Variants in SYT13 observed in about 807,000 individuals in gnomAD.
SYT13 encodes the protein synaptotagmin 13.
Under a neutral mutation model 38.6 loss-of-function variants are expected in SYT13, and 21 were observed. The ratio of observed to expected loss-of-function variants is 0.54; its 90% CI spans 0.39 to 0.78. The LOEUF (loss-of-function observed/expected upper bound fraction) is 0.78, where lower values mean the gene tolerates loss of function less well. Ranked by LOEUF, SYT13 falls within the 30% of genes least tolerant of loss-of-function variation. The probability of loss-of-function intolerance (pLI) is 0.00; values close to 1 mark genes in which losing one functional copy is unlikely to be tolerated. For synonymous variants in SYT13, 241 were observed against 237.6 expected, an observed-to-expected ratio of 1.01 and a Z score of -0.13; for missense variants, 495 against 548.7, an observed-to-expected ratio of 0.90 and a Z score of 0.98.
At chr11:45,245,429 G>T (rs1420657076) in intron 5 of SYT13, among the ~76,000 whole-genome samples, 4 of 152,212 alleles carry the variant, frequency 2.6e-5, no homozygotes, top group Non-Finnish European at 5.9e-5. Flanking sequence ...AAGAAGCAAA[G>T]AATTGTCTAA....
chr11:45,275,376 C>G (rs1854998178), intron 1 of SYT13, among the ~76,000 whole-genome samples: 1 of 152,164 alleles, frequency 6.6e-6, no homozygotes, highest in Admixed American at 6.5e-5. Context: ...CCCCTCTCTC[C>G]TTTACGCTTG....
rs1854973795 is a variant in SYT13, at chr11:45,273,410, C to T, written c.183+12615G>A. 1.4e-5 allele frequency among the ~76,000 whole-genome samples: 2 copies of T among 147,424 alleles called. 1 individual carries two copies. The highest frequency in any genetic ancestry group is 4.2e-4 in the South Asian group (2 of 4,758). On this transcript the variant is annotated intron_variant, in intron 1 of 5. Coordinates refer to ENST00000020926, the MANE Select transcript of SYT13 (RefSeq NM_020826.3). Reference sequence around the variant, plus strand: ...GCCAACTCCACCTGATGCCAAAAGGCAGAGGAGTTGGTCAATGCAGCTGAT... The same window carrying T: ...GCCAACTCCACCTGATGCCAAAAGGTAGAGGAGTTGGTCAATGCAGCTGAT...
intron 1 of SYT13, among the ~76,000 whole-genome samples, chr11:45,262,871 G>A (rs1854836474): frequency 2.0e-5 from 3 of 152,154 alleles, no homozygotes; most frequent in Non-Finnish European, 2.9e-5. Context: ...ACATCTCCAT[G>A]GGAGGAACTC....
At chr11:45,263,133 C>T (rs890443699) in intron 1 of SYT13, among the ~76,000 whole-genome samples, 1 of 152,182 alleles carries the variant, frequency 6.6e-6, no homozygotes, top group Non-Finnish European at 1.5e-5. Context: ...CAGTAATAAT[C>T]CAGGCAGAGA....
chr11:45,248,078 A>C (rs1274760668), intron 4 of SYT13, among the ~76,000 whole-genome samples: 1 of 152,234 alleles, frequency 6.6e-6, no homozygotes, highest in Non-Finnish European at 1.5e-5. Flanking sequence ...TACCTCTATG[A>C]CCTTGGGTAA....
At position 45,243,719 on chromosome 11, in the gene SYT13, A is replaced by G. The variant is rs1854580212; in HGVS notation, c.*333T>C. The G allele has an allele frequency of 1.3e-5, 3 of 234,820 alleles. No individual in the cohort carries two copies. The highest frequency in any genetic ancestry group is 2.5e-5 in the Non-Finnish European group (3 of 122,420). The allele number at this position is 234,820 out of a possible 1,614,324, so 14.5% of individuals were successfully genotyped here. A position where few individuals can be genotyped will look rare whatever the true frequency, so the allele number is the denominator to read the frequency against. The stretch of plus-strand genomic sequence containing the variant: ...TGAAATGCTTGTTTTTCAAAAAGCC[A>G]AATTCTTCTTTGCATCCATGATTCC... On this transcript the variant is annotated 3_prime_UTR_variant, in exon 6 of 6. Transcript: ENST00000020926.
At chr11:45,270,938 T>C (rs1854941799) in intron 1 of SYT13, among the ~76,000 whole-genome samples, 1 of 152,184 alleles carries the variant, frequency 6.6e-6, no homozygotes, top group Non-Finnish European at 1.5e-5. Context: ...CAAACAGAAA[T>C]CAGAACATAC....
chr11:45,243,983 G>A lies in SYT13; in HGVS notation c.*69C>T. 1 of 1,474,428 alleles carries A rather than the reference G, an allele frequency of 6.8e-7. No homozygotes were observed. The allele number at this position is 1,474,428 out of a possible 1,614,324, so 91.3% of individuals were successfully genotyped here. A position where few individuals can be genotyped will look rare whatever the true frequency, so the allele number is the denominator to read the frequency against. ...TCTTCTGGGTGTCAGAATGAGGAAA[G>A]GGGCACAGAAAGGAGGTTGCAGAGG... On this transcript the variant is annotated 3_prime_UTR_variant, in exon 6 of 6. Transcript: ENST00000020926.
intron 1 of SYT13, among the ~76,000 whole-genome samples, chr11:45,263,840 C>A (rs1320504089): frequency 6.6e-6 from 1 of 152,200 alleles, no homozygotes; most frequent in South Asian, 2.1e-4. Flanking sequence ...GATTAATTAA[C>A]TTCTCTGTGC....
Position 45,252,658 on chromosome 11 carries a change from G to A in SYT13, c.609C>T (p.Thr203=), listed in dbSNP as rs373586718. The change falls in exon 4 of 6, where the codon ACC becomes ACT. Residue 203 remains threonine (T), a synonymous_variant. Coordinates refer to ENST00000020926, the MANE Select transcript of SYT13 (RefSeq NM_020826.3). This position sits in a 1 kb window ranked among gnomAD's most constrained non-coding sequence, Gnocchi z 4.3. ...GGGCTGTCTGAGCCTCCACAGAGCC[G>A]GTCCTATTGGCCACACTCCCTTGGA... ...CYVQGSVANR[T]GSVEAQTALK... 7.8e-5 allele frequency: 126 copies of A among 1,611,698 alleles called. No homozygotes were observed. The highest frequency in any genetic ancestry group is 6.6e-4 in the Middle Eastern group (4 of 6,074).
At chr11:45,247,512 C>A (rs1383024885) in intron 4 of SYT13, among the ~76,000 whole-genome samples, 1 of 152,196 alleles carries the variant, frequency 6.6e-6, no homozygotes, top group Non-Finnish European at 1.5e-5. Context: ...GCCCTTCCCT[C>A]CAGCTTTGTC....
intron 1 of SYT13, among the ~76,000 whole-genome samples, chr11:45,273,939 CG>C (rs1174427255): frequency 6.6e-6 from 1 of 152,118 alleles, no homozygotes; most frequent in Non-Finnish European, 1.5e-5. Flanking sequence ...GTGCTGAATC[CG>C]TTGGGTGCTT....
chr11:45,254,650 C>G, intron 2 of SYT13: 1 of 411,782 alleles, frequency 2.4e-6, no homozygotes. Context: ...CAACAATCTA[C>G]TCTCCCTGCT....
At position 45,252,327 on chromosome 11, in the gene SYT13, G is replaced by T; in HGVS notation, c.846+94C>A. 7.0e-7 allele frequency: 1 copy of T among 1,422,990 alleles called. No individual in the cohort carries two copies. The highest frequency in any genetic ancestry group is 9.4e-7 in the Non-Finnish European group (1 of 1,067,926). The allele number at this position is 1,422,990 out of a possible 1,614,324, so 88.1% of individuals were successfully genotyped here. A position where few individuals can be genotyped will look rare whatever the true frequency, so the allele number is the denominator to read the frequency against. On this transcript the variant is annotated intron_variant, in intron 4 of 5. Transcript: ENST00000020926. This position sits in a 1 kb window ranked among gnomAD's most constrained non-coding sequence, Gnocchi z 4.3. ...CAAGCCAGGGAGGTCTCTGAGGCTT[G>T]TTCCCTAAGACTGAGTTGCTGGGAG...
chr11:45,281,126 G>T (rs934553239), intron 1 of SYT13, among the ~76,000 whole-genome samples: 3 of 152,014 alleles, frequency 2.0e-5, no homozygotes, highest in Non-Finnish European at 4.4e-5. Context: ...AACCCAGGAG[G>T]CAGAGGTTGC....
At chr11:45,272,254 T>C (rs1854958545) in intron 1 of SYT13, among the ~76,000 whole-genome samples, 1 of 152,088 alleles carries the variant, frequency 6.6e-6, no homozygotes, top group African/African-American at 2.4e-5. Context: ...GGTGATGAGT[T>C]GATGGGTGCA....
chr11:45,241,166 C>A lies in SYT13; in HGVS notation c.*2886G>T, dbSNP rs1325637719. The A allele has an allele frequency of 6.6e-5, 10 of 152,220 alleles. No individual in the cohort carries two copies. The highest frequency in any genetic ancestry group is 1.5e-4 in the Non-Finnish European group (10 of 68,044). 9.4% of individuals were successfully genotyped at this position (152,220 alleles called of 1,614,324 possible). A position where few individuals can be genotyped will look rare whatever the true frequency, so the allele number is the denominator to read the frequency against. ...TGAATTTCTAGCTTGACTGCTAAGA[C>A]ATCTGATGCCTTTACCATTGAGAAC... On this transcript the variant is annotated 3_prime_UTR_variant, in exon 6 of 6. Coordinates refer to ENST00000020926, the MANE Select transcript of SYT13 (RefSeq NM_020826.3).
At position 45,243,271 on chromosome 11, in the gene SYT13, A is replaced by ACC; in HGVS notation, c.*780_*781insGG. On this transcript the variant is annotated 3_prime_UTR_variant, in exon 6 of 6. Coordinates refer to ENST00000020926, the MANE Select transcript of SYT13 (RefSeq NM_020826.3). ...AGCAGGGGGCTTATGAAATGCACAA[A>ACC]TTAAAGTATTAAGAATTAAAATAAT... The ACC allele has an allele frequency of 6.6e-6, 1 of 152,256 alleles. No homozygotes were observed. Among genetic ancestry groups the ACC allele is most frequent in the Admixed American group, 6.5e-5 (1 of 15,290 alleles). The allele number at this position is 152,256 out of a possible 1,614,324, so 9.4% of individuals were successfully genotyped here.
intron 1 of SYT13, among the ~76,000 whole-genome samples, chr11:45,266,656 AGT>A (rs1174962980): frequency 6.6e-6 from 1 of 152,224 alleles, no homozygotes; most frequent in Non-Finnish European, 1.5e-5. Context: ...CTAGAGGCTG[AGT>A]GGGAACAGCC....
Sources: allele counts gnomAD v4.1 joint callset (sites outside exome capture counted in the v4.1 genomes callset), GRCh38; gene constraint gnomAD v4.1.1; non-coding constraint Gnocchi (gnomAD v3.1); transcripts MANE v1.5; gene names NCBI Gene and HGNC (gene_info 2026-07-23, HGNC 2026-07-21).